APBA1: variants seen among roughly 807,000 people sequenced by gnomAD.
The protein encoded by APBA1 is amyloid beta precursor protein binding family A member 1, also known as amyloid-beta A4 precursor protein-binding family A member 1.
Under a neutral mutation model 86.6 loss-of-function variants are expected in APBA1, and 55 were observed. That is an observed-to-expected ratio of 0.64 (90% CI 0.51 to 0.80). APBA1 has a LOEUF of 0.80. Ranked by LOEUF, APBA1 falls within the 30% of genes least tolerant of loss-of-function variation. The pLI, the probability that APBA1 is intolerant of heterozygous loss-of-function variation, is 0.00. For missense variants in APBA1, 1,090 were observed against 1,183.0 expected (o/e 0.92, Z 1.15); for synonymous variants, 511 against 493.9 (o/e 1.03, Z -0.46).
At chr9:69,583,740 G>T (rs1460705547) in intron 1 of APBA1, among the ~76,000 whole-genome samples, 1 of 152,154 alleles carries the variant, frequency 6.6e-6, no homozygotes, top group Non-Finnish European at 1.5e-5. Context: ...TTTCATGGCT[G>T]ACCTCCTCTG....
chr9:69,459,721 G>T (rs1399952505), intron 5 of APBA1, among the ~76,000 whole-genome samples: 1 of 152,192 alleles, frequency 6.6e-6, no homozygotes, highest in Non-Finnish European at 1.5e-5. Context: ...GCAACTTTGA[G>T]GCAAGCCACT....
chr9:69,487,927 G>C (rs1472547950), intron 2 of APBA1, among the ~76,000 whole-genome samples: 4 of 152,048 alleles, frequency 2.6e-5, no homozygotes, highest in Middle Eastern at 3.2e-3. Context: ...GGGACCATCT[G>C]GCATTACAAG....
intron 1 of APBA1, among the ~76,000 whole-genome samples, chr9:69,594,744 A>G (rs28480451): frequency 3.3e-4 from 51 of 152,286 alleles, no homozygotes; most frequent in African/African-American, 1.2e-3. Flanking sequence ...ACTACTTTCC[A>G]TCCAACATTT....
At chr9:69,574,811 C>T (rs1316919924) in intron 1 of APBA1, among the ~76,000 whole-genome samples, 1 of 152,120 alleles carries the variant, frequency 6.6e-6, no homozygotes. Context: ...ATAGTGGTCA[C>T]CTCTGGAGAC....
intron 1 of APBA1, among the ~76,000 whole-genome samples, chr9:69,628,300 T>G (rs1157583539): frequency 6.6e-6 from 1 of 152,186 alleles, no homozygotes; most frequent in East Asian, 1.9e-4. Context: ...ACCTTGATTG[T>G]GACCCTGACC....
intron 1 of APBA1, among the ~76,000 whole-genome samples, chr9:69,594,670 G>A (rs1005223199): frequency 6.6e-6 from 1 of 152,098 alleles, no homozygotes; most frequent in African/African-American, 2.4e-5. Context: ...AGGATTCTTG[G>A]TGAGAATATG....
At chr9:69,625,724 C>T (rs547239004) in intron 1 of APBA1, among the ~76,000 whole-genome samples, 2 of 152,206 alleles carry the variant, frequency 1.3e-5, no homozygotes, top group Admixed American at 6.5e-5. Flanking sequence ...TAATATTAAG[C>T]ATATTATTAG....
chr9:69,471,543 G>T, intron 4 of APBA1, 113 bp downstream of exon 4: 1 of 849,980 alleles, frequency 1.2e-6, no homozygotes, highest in South Asian at 1.5e-5. Flanking sequence ...GTGAATAAGT[G>T]ACTTTGTGGC....
At chr9:69,490,673 C>CA (rs1835693952) in intron 2 of APBA1, among the ~76,000 whole-genome samples, 1 of 152,002 alleles carries the variant, frequency 6.6e-6, no homozygotes, top group Non-Finnish European at 1.5e-5. Context: ...AGGCAACCTA[C>CA]AGAATGGGAG....
chr9:69,656,613 C>T (rs1311326469), intron 1 of APBA1, among the ~76,000 whole-genome samples: 1 of 152,134 alleles, frequency 6.6e-6, no homozygotes, highest in Non-Finnish European at 1.5e-5. Flanking sequence ...TCCCAGGGGC[C>T]AGAAAATGTT....
rs1312284973 is a variant in APBA1, at chr9:69,649,800, T to C, written c.-70+22353A>G. Among the ~76,000 whole-genome samples, 5 of 152,052 alleles carry C rather than the reference T, an allele frequency of 3.3e-5. No individual in the cohort carries two copies. In the East Asian group the frequency reaches 9.6e-4, roughly 29 times the overall value. ...TCAGAGGGTCTGGAGGAATAACTCA[T>C]CTCTCCCCTTAACAAATCTCCCCAG... On this transcript the variant is annotated intron_variant, in intron 1 of 12. Transcript: ENST00000265381.
intron 8 of APBA1, among the ~76,000 whole-genome samples, chr9:69,455,413 G>A (rs534557821): frequency 1.7e-4 from 26 of 152,202 alleles, no homozygotes; most frequent in Middle Eastern, 3.4e-3. Flanking sequence ...GGGAGCACCT[G>A]GGAGCAGCTT....
At chr9:69,658,304 C>CTCTTTCTTTCTTTCTTTCTT (rs202185776) in intron 1 of APBA1, among the ~76,000 whole-genome samples, 3 of 80,034 alleles carry the variant, frequency 3.7e-5, no homozygotes, top group East Asian at 3.9e-4. Context: ...TTCTCTCTCT[C>CTCTTTCTTTCTTTCTTTCTT]TCTTTCTTTC....
At chr9:69,432,849 G>A (rs1406951829) in intron 11 of APBA1, among the ~76,000 whole-genome samples, 173 bp from the exon 12 acceptor site, 3 of 152,232 alleles carry the variant, frequency 2.0e-5, no homozygotes, top group South Asian at 2.1e-4. Flanking sequence ...AGGTGCCGTC[G>A]GCCCACATGG....
intron 10 of APBA1, among the ~76,000 whole-genome samples, chr9:69,441,489 C>T (rs1315549206): frequency 3.9e-5 from 6 of 152,182 alleles, no homozygotes; most frequent in African/African-American, 1.4e-4. Flanking sequence ...TTCCCCCAGC[C>T]AGGAGCAACA....
Position 69,476,031 on chromosome 9 carries a change from A to G in APBA1, c.1296+17T>C. 6.2e-7 allele frequency: 1 copy of G among 1,609,718 alleles called. No individual in the cohort carries two copies. The highest frequency in any genetic ancestry group is 8.5e-7 in the Non-Finnish European group (1 of 1,176,136). On this transcript the variant is annotated intron_variant, in intron 3 of 12. Coordinates refer to ENST00000265381, the MANE Select transcript of APBA1 (RefSeq NM_001163.4). ...GCAAAATGGCCCAATGGCTTTGGTA[A>G]CAAAACAGCACCCTACCTCTTTATT...
chr9:69,490,976 G>A (rs1367847147), intron 2 of APBA1, among the ~76,000 whole-genome samples: 1 of 152,106 alleles, frequency 6.6e-6, no homozygotes, highest in Non-Finnish European at 1.5e-5. Flanking sequence ...AGAGGATGTG[G>A]AGAAATAGGA....
intron 1 of APBA1, among the ~76,000 whole-genome samples, chr9:69,537,952 C>G (rs1037395328): frequency 6.6e-6 from 1 of 151,932 alleles, no homozygotes; most frequent in Non-Finnish European, 1.5e-5. Flanking sequence ...AGTGATGCCA[C>G]TTAGCAAAGA....
At chr9:69,641,754 A>C (rs1164496691) in intron 1 of APBA1, among the ~76,000 whole-genome samples, 2 of 152,254 alleles carry the variant, frequency 1.3e-5, no homozygotes, top group Non-Finnish European at 2.9e-5. Context: ...CCAGAGACTT[A>C]AATTTAAGAG....
Sources: allele counts gnomAD v4.1 joint callset (sites outside exome capture counted in the v4.1 genomes callset), GRCh38; gene constraint gnomAD v4.1.1; transcripts MANE v1.5; gene names NCBI Gene and HGNC (gene_info 2026-07-23, HGNC 2026-07-21).